Variants in NDUFS4 observed in about 807,000 individuals in gnomAD.
NDUFS4 encodes the protein NADH:ubiquinone oxidoreductase subunit S4.
Under a neutral mutation model 24.3 loss-of-function variants are expected in NDUFS4, and 28 were observed. The observed-to-expected ratio is 1.15, with a 90% CI of 0.85 to 1.58. The LOEUF (loss-of-function observed/expected upper bound fraction) is 1.58, where lower values mean the gene tolerates loss of function less well. Among genes scored for constraint, NDUFS4 ranks in the 40% most tolerant of loss-of-function variants. NDUFS4 has a pLI of 0.00. For synonymous variants in NDUFS4, 93 were observed against 69.7 expected, an observed-to-expected ratio of 1.34 and a Z score of -1.67; for missense variants, 223 against 207.9, an observed-to-expected ratio of 1.07 and a Z score of -0.45.
chr5:53,650,080 A>G (rs1017048062), intron 3 of NDUFS4, among the ~76,000 whole-genome samples: 12 of 152,168 alleles, frequency 7.9e-5, no homozygotes, highest in African/African-American at 2.9e-4. Context: ...CGATCCAGTG[A>G]TTGAAATGTT....
At chr5:53,592,738 T>C (rs1212677878) in intron 1 of NDUFS4, among the ~76,000 whole-genome samples, 1 of 152,236 alleles carries the variant, frequency 6.6e-6, no homozygotes, top group Non-Finnish European at 1.5e-5. Flanking sequence ...CTATTTATTT[T>C]ATAGCTAATA....
intron 2 of NDUFS4, among the ~76,000 whole-genome samples, chr5:53,629,832 A>G (rs995531062): frequency 2.0e-5 from 3 of 151,880 alleles, no homozygotes; most frequent in African/African-American, 7.3e-5. Context: ...ACTCTATCCA[A>G]TTTGCCAGTC....
chr5:53,679,198 G>T (rs1740572126), intron 4 of NDUFS4, among the ~76,000 whole-genome samples: 1 of 152,106 alleles, frequency 6.6e-6, no homozygotes, highest in Non-Finnish European at 1.5e-5. Flanking sequence ...AGTTGCATGT[G>T]CAACTTTGGA....
chr5:53,672,409 A>G (rs1329677169), intron 4 of NDUFS4, among the ~76,000 whole-genome samples: 3 of 152,136 alleles, frequency 2.0e-5, no homozygotes, highest in Non-Finnish European at 4.4e-5. Flanking sequence ...GTGAATTGCA[A>G]ATAGAGGCAA....
rs573595748 is a variant in NDUFS4, at chr5:53,635,975, G to A, written c.178-10258G>A. On this transcript the variant is annotated intron_variant, in intron 2 of 4. Transcript: ENST00000296684. ...TAGGGAGAAAATCTTTTGAATACCC[G>A]TTGCAAAGTTTATGGCTGACACTGC... Among the ~76,000 whole-genome samples the A allele has an allele frequency of 7.2e-4, 110 of 152,246 alleles. 1 individual carries two copies. In the South Asian group the frequency reaches 9.1e-3, roughly 13 times the overall value.
At chr5:53,667,982 A>G (rs1252752334) in intron 4 of NDUFS4, among the ~76,000 whole-genome samples, 1 of 152,206 alleles carries the variant, frequency 6.6e-6, no homozygotes, top group Non-Finnish European at 1.5e-5. Flanking sequence ...GGGGGAAATG[A>G]GTTTTTGTTA....
chr5:53,566,141 C>G (rs1022768271), intron 1 of NDUFS4, among the ~76,000 whole-genome samples: 2 of 152,302 alleles, frequency 1.3e-5, no homozygotes, highest in African/African-American at 4.8e-5. Context: ...CCACTGCACT[C>G]TAGCCTGGGT....
At chr5:53,573,162 T>C (rs1749271268) in intron 1 of NDUFS4, among the ~76,000 whole-genome samples, 1 of 151,150 alleles carries the variant, frequency 6.6e-6, no homozygotes, top group Middle Eastern at 3.2e-3. Flanking sequence ...TTTGTAGACA[T>C]GGGTGTCTCC....
intron 1 of NDUFS4, 86 bp from the exon 2 acceptor site, chr5:53,603,366 T>C: frequency 2.3e-5 from 21 of 924,142 alleles, no homozygotes; most frequent in Non-Finnish European, 3.3e-5. Flanking sequence ...AGACAGATAT[T>C]GTTAAAGTAG....
chr5:53,656,076 C>T (rs1443454640), intron 3 of NDUFS4, among the ~76,000 whole-genome samples: 2 of 152,020 alleles, frequency 1.3e-5, no homozygotes, highest in South Asian at 2.1e-4. Flanking sequence ...ACTGAGATTA[C>T]GGCTTTCTGC....
intron 1 of NDUFS4, among the ~76,000 whole-genome samples, chr5:53,591,535 A>G (rs1422746706): frequency 6.8e-6 from 1 of 147,958 alleles, no homozygotes; most frequent in Admixed American, 6.9e-5. Context: ...TCATTTCCCT[A>G]GCACTCTTTT....
At chr5:53,600,873 T>A (rs1750291729) in intron 1 of NDUFS4, among the ~76,000 whole-genome samples, 1 of 152,144 alleles carries the variant, frequency 6.6e-6, no homozygotes, top group Non-Finnish European at 1.5e-5. Context: ...TATCTTAAAT[T>A]TTTTTACAAA....
Position 53,678,672 on chromosome 5 carries a change from A to C in NDUFS4, c.425-4446A>C, listed in dbSNP as rs534544176. ...AGTTTGGGCTCTTTCTTTTAAAAAAAATTATTTTAGGGTTAAAGAAAGACA... is the reference window on the plus strand; with the variant it reads ...AGTTTGGGCTCTTTCTTTTAAAAAACATTATTTTAGGGTTAAAGAAAGACA... On this transcript the variant is annotated intron_variant, in intron 4 of 4. Transcript: ENST00000296684. 2.6e-5 allele frequency among the ~76,000 whole-genome samples: 4 copies of C among 152,304 alleles called. No homozygotes were observed. In the East Asian group the frequency reaches 7.7e-4, roughly 29 times the overall value.
chr5:53,604,872 C>T (rs907940464), intron 2 of NDUFS4: 2 of 456,156 alleles, frequency 4.4e-6, no homozygotes, highest in Non-Finnish European at 8.8e-6. Context: ...TTCATCCGGT[C>T]ACCATCTACC....
At chr5:53,659,031 T>C (rs554538249) in intron 4 of NDUFS4, among the ~76,000 whole-genome samples, 107 of 152,262 alleles carry the variant, frequency 7.0e-4, no homozygotes, top group Non-Finnish European at 1.1e-3. Context: ...ATCTAGTCTA[T>C]TAATCTATTT....
chr5:53,608,281 A>G (rs1301034823), intron 2 of NDUFS4, among the ~76,000 whole-genome samples: 3 of 152,204 alleles, frequency 2.0e-5, no homozygotes, highest in Admixed American at 2.0e-4. Context: ...GGGAATCGTA[A>G]TCATTTGACT....
At position 53,683,310 on chromosome 5, in the gene NDUFS4, C is replaced by T. The variant is rs1740746380; in HGVS notation, c.*89C>T. 2.1e-6 allele frequency: 2 copies of T among 947,964 alleles called. No homozygotes were observed. Among genetic ancestry groups the T allele is most frequent in the Non-Finnish European group, 3.4e-6 (2 of 584,874 alleles). The allele number at this position is 947,964 out of a possible 1,614,324, so 58.7% of individuals were successfully genotyped here. ...ATGTATAATAAATACATCTCTTAATCTCCTAATAAATTGGACCTTTAAACT... is the reference window on the plus strand; with the variant it reads ...ATGTATAATAAATACATCTCTTAATTTCCTAATAAATTGGACCTTTAAACT... On this transcript the variant is annotated 3_prime_UTR_variant, in exon 5 of 5. Coordinates refer to ENST00000296684, the MANE Select transcript of NDUFS4 (RefSeq NM_002495.4).
chr5:53,568,172 TTTC>T (rs1749098445), intron 1 of NDUFS4, among the ~76,000 whole-genome samples: 2 of 152,148 alleles, frequency 1.3e-5, no homozygotes, highest in Admixed American at 1.3e-4. Flanking sequence ...AAGGTAACCT[TTTC>T]TTCTTGTCTG....
At chr5:53,595,218 A>G (rs1207719192) in intron 1 of NDUFS4, among the ~76,000 whole-genome samples, 1 of 152,010 alleles carries the variant, frequency 6.6e-6, no homozygotes, top group Admixed American at 6.6e-5. Flanking sequence ...TTGTTTTTCA[A>G]ATTTCCTTGG....
Sources: gnomAD v4.1 joint callset for allele counts (sites outside exome capture counted in the v4.1 genomes callset) on GRCh38, gnomAD v4.1.1 for gene constraint, MANE v1.5 for transcripts, NCBI Gene and HGNC (gene_info 2026-07-23, HGNC 2026-07-21) for gene names.